IGFL2: variants seen among roughly 807,000 people sequenced by gnomAD.
IGFL2 encodes insulin growth factor-like family member 2.
IGFL2 carries 7 observed loss-of-function variants against 13.9 expected under a neutral mutation model. The observed-to-expected ratio is 0.51, with a 90% CI of 0.29 to 0.95. IGFL2 has a LOEUF of 0.95. Ranked by LOEUF, IGFL2 falls within the 40% of genes least tolerant of loss-of-function variation. The probability of loss-of-function intolerance (pLI) is 0.08; values close to 1 mark genes in which losing one functional copy is unlikely to be tolerated. For missense variants in IGFL2, 138 were observed against 147.8 expected (o/e 0.93, Z 0.34); for synonymous variants, 55 against 55.8 (o/e 0.99, Z 0.07).
the IGFL2 span, among the ~76,000 whole-genome samples, chr19:46,166,831 A>G: frequency 6.6e-6 from 1 of 152,230 alleles, no homozygotes; most frequent in African/African-American, 2.4e-5. Flanking sequence ...ACCGGCGGTC[A>G]GAGTTTAAGG....
At chr19:46,137,093 A>C in the IGFL2 span, 3 of 1,604,448 alleles carry the variant, frequency 1.9e-6, no homozygotes, top group Non-Finnish European at 2.6e-6. Flanking sequence ...CTTAGGAGAC[A>C]ATGGCCTCCC....
At chr19:46,097,607 C>T in the IGFL2 span, among the ~76,000 whole-genome samples, 5 of 152,026 alleles carry the variant, frequency 3.3e-5, no homozygotes, top group African/African-American at 9.7e-5. Context: ...ATTAGGGTGT[C>T]GATTTGAGAG....
the IGFL2 span, chr19:46,101,205 C>G: frequency 3.3e-5 from 5 of 152,528 alleles, no homozygotes; most frequent in South Asian, 8.3e-4. Flanking sequence ...AGTCGCGGGG[C>G]ACAGGATCCG....
chr19:46,210,473 G>A, the IGFL2 span, among the ~76,000 whole-genome samples: 1 of 152,166 alleles, frequency 6.6e-6, no homozygotes, highest in East Asian at 1.9e-4. Flanking sequence ...ATATATATGA[G>A]TTTATTAAGT....
chr19:46,106,521 T>C, the IGFL2 span, among the ~76,000 whole-genome samples: 2 of 152,152 alleles, frequency 1.3e-5, no homozygotes, highest in East Asian at 3.9e-4. Context: ...AAAGGAATAG[T>C]AAAGAAAGCA....
chr19:46,174,691 C>T, the IGFL2 span, among the ~76,000 whole-genome samples: 4 of 152,220 alleles, frequency 2.6e-5, no homozygotes, highest in Non-Finnish European at 5.9e-5. Flanking sequence ...ATTTATGCTT[C>T]TAACCCTGGG....
At chr19:46,189,778 T>A in the IGFL2 span, 1 of 152,208 alleles carries the variant, frequency 6.6e-6, no homozygotes, top group African/African-American at 2.4e-5. Flanking sequence ...TAAAGAGTAA[T>A]TGCTACAGAC....
At chr19:46,103,424 C>T in the IGFL2 span, among the ~76,000 whole-genome samples, 4 of 151,896 alleles carry the variant, frequency 2.6e-5, no homozygotes, top group African/African-American at 4.8e-5. Context: ...GGCACAAGAA[C>T]GGGAATGAGA....
chr19:46,097,817 TTGAG>T, the IGFL2 span, among the ~76,000 whole-genome samples: 1 of 152,228 alleles, frequency 6.6e-6, no homozygotes, highest in African/African-American at 2.4e-5. Context: ...TTATGTGGTT[TTGAG>T]TGAGTTTTTA....
chr19:46,206,744 A>C, the IGFL2 span: 1 of 152,344 alleles, frequency 6.6e-6, no homozygotes, highest in East Asian at 1.9e-4. Flanking sequence ...TGATGAATAA[A>C]TTGATTCACA....
the IGFL2 span, among the ~76,000 whole-genome samples, chr19:46,090,631 C>T: frequency 1.3e-5 from 2 of 152,346 alleles, no homozygotes; most frequent in East Asian, 1.9e-4. Context: ...AAGCACGTTG[C>T]CCGGCTGGAA....
At chr19:46,133,924 A>C in the IGFL2 span, among the ~76,000 whole-genome samples, 64,276 of 151,842 alleles carry the variant, frequency 0.42, 15,782 homozygotes, top group Non-Finnish European at 0.57. Flanking sequence ...TATTCCTGGA[A>C]ATAAGAGAGG....
chr19:46,149,106 T>G, intron 1 of IGFL2: 1 of 1,235,822 alleles, frequency 8.1e-7, no homozygotes, highest in Admixed American at 1.9e-5. Context: ...GAGCAATGCC[T>G]GCTGTGTTCA....
chr19:46,181,201 A>T, the IGFL2 span: 1 of 30,850 alleles, frequency 3.2e-5, no homozygotes, highest in Non-Finnish European at 2.3e-4. Context: ...TTTCTGTTTT[A>T]TTTATTTATT....
chr19:46,080,209 T>A, the IGFL2 span, among the ~76,000 whole-genome samples: 3 of 152,200 alleles, frequency 2.0e-5, no homozygotes, highest in Non-Finnish European at 4.4e-5. Context: ...ACCTAACTTT[T>A]ATCCTGGGGC....
chr19:46,124,000 A>G, the IGFL2 span: 1 of 1,611,574 alleles, frequency 6.2e-7, no homozygotes, highest in South Asian at 1.1e-5. Context: ...GCAGAGCTCA[A>G]AGCAGGGCCA....
intron 1 of IGFL2, among the ~76,000 whole-genome samples, chr19:46,155,387 G>C (rs998942339): frequency 6.6e-6 from 1 of 152,166 alleles, no homozygotes; most frequent in East Asian, 1.9e-4. Context: ...AGTTGGCTGG[G>C]GATGTGGGGA....
the IGFL2 span, among the ~76,000 whole-genome samples, chr19:46,102,767 T>A: frequency 6.6e-6 from 1 of 152,072 alleles, no homozygotes; most frequent in Admixed American, 6.5e-5. Flanking sequence ...TCTGTCTTCT[T>A]ATATTAATAA....
the IGFL2 span, among the ~76,000 whole-genome samples, chr19:46,127,176 A>G: frequency 1.3e-5 from 2 of 152,140 alleles, no homozygotes; most frequent in African/African-American, 4.8e-5. Flanking sequence ...GCTTAAAGCC[A>G]GGAGTTCAAG....
Sources: gnomAD v4.1 joint callset for allele counts (sites outside exome capture counted in the v4.1 genomes callset) on GRCh38, gnomAD v4.1.1 for gene constraint, MANE v1.5 for transcripts, NCBI Gene and HGNC (gene_info 2026-07-23, HGNC 2026-07-21) for gene names.